Variants in SPPL3 observed in about 807,000 individuals in gnomAD.
SPPL3 encodes the protein signal peptide peptidase-like 3.
Under a neutral mutation model 42.4 loss-of-function variants are expected in SPPL3, and 5 were observed. That is an observed-to-expected ratio of 0.12 (90% CI 0.06 to 0.25). The LOEUF is 0.25. SPPL3 is among the 10% of genes least tolerant of loss of function. SPPL3 has a pLI of 1.00. For missense variants in SPPL3, 235 were observed against 489.0 expected, an observed-to-expected ratio of 0.48 and a Z score of 4.90; for synonymous variants, 195 against 181.8, an observed-to-expected ratio of 1.07 and a Z score of -0.58.
At chr12:120,794,389 C>T (rs1464362457) in intron 2 of SPPL3, among the ~76,000 whole-genome samples, 1 of 151,704 alleles carries the variant, frequency 6.6e-6, no homozygotes, top group African/African-American at 2.4e-5. Context: ...TTCACAATTG[C>T]TGTTTTATTT....
At chr12:120,768,855 AAGCCCG>A (rs1175286975) in intron 7 of SPPL3, 92 bp downstream of exon 7, 1 of 1,045,278 alleles carries the variant, frequency 9.6e-7, no homozygotes, top group African/African-American at 1.6e-5. Flanking sequence ...GCAGCTGGGC[AAGCCCG>A]ACTTTGGATA....
At chr12:120,902,612 A>C (rs1874016898) in intron 1 of SPPL3, among the ~76,000 whole-genome samples, 1 of 152,192 alleles carries the variant, frequency 6.6e-6, no homozygotes, top group Non-Finnish European at 1.5e-5. Flanking sequence ...TCAACAAAGC[A>C]AGTTGGTGGC....
chr12:120,840,529 T>C (rs1035781445), intron 1 of SPPL3, among the ~76,000 whole-genome samples: 5 of 152,036 alleles, frequency 3.3e-5, no homozygotes, highest in Non-Finnish European at 7.4e-5. Flanking sequence ...GGATAAAAAT[T>C]AGTGATGATG....
intron 1 of SPPL3, among the ~76,000 whole-genome samples, chr12:120,862,944 T>C (rs1221676390): frequency 6.6e-6 from 1 of 152,156 alleles, no homozygotes; most frequent in African/African-American, 2.4e-5. Flanking sequence ...GAAAGGGACT[T>C]CTCATGAATA....
At chr12:120,871,000 G>C (rs1016771896) in intron 1 of SPPL3, among the ~76,000 whole-genome samples, 6 of 151,546 alleles carry the variant, frequency 4.0e-5, no homozygotes, top group Non-Finnish European at 7.4e-5. Flanking sequence ...CATGGCGCCA[G>C]GCACCTATAG....
At chr12:120,798,229 T>C (rs566572053) in intron 2 of SPPL3, among the ~76,000 whole-genome samples, 1 of 152,190 alleles carries the variant, frequency 6.6e-6, no homozygotes, top group East Asian at 1.9e-4. Flanking sequence ...TGGGGGTTTT[T>C]TTATTTTAAA....
At chr12:120,878,013 T>C (rs372488271) in intron 1 of SPPL3, among the ~76,000 whole-genome samples, 1 of 133,488 alleles carries the variant, frequency 7.5e-6, no homozygotes, top group Non-Finnish European at 1.6e-5. Context: ...AGCAAGACTC[T>C]TGTCTTAAAA....
chr12:120,882,502 G>A (rs763190603), intron 1 of SPPL3, among the ~76,000 whole-genome samples: 27 of 152,040 alleles, frequency 1.8e-4, no homozygotes, highest in Non-Finnish European at 3.2e-4. Context: ...TTTCTAGAAA[G>A]ATAGAAAGAA....
At chr12:120,813,961 G>C (rs1365462692) in intron 1 of SPPL3, among the ~76,000 whole-genome samples, 2 of 152,028 alleles carry the variant, frequency 1.3e-5, no homozygotes, top group African/African-American at 4.8e-5. Context: ...GGTGCTGCCT[G>C]ATTCATGAGA....
intron 1 of SPPL3, among the ~76,000 whole-genome samples, chr12:120,900,229 C>T (rs1873932966): frequency 6.6e-6 from 1 of 152,094 alleles, no homozygotes; most frequent in Non-Finnish European, 1.5e-5. Context: ...CCGAGTCCAT[C>T]CTCAGACAAA....
chr12:120,765,214 G>C (rs1233313464), intron 10 of SPPL3, 144 bp from the exon 11 acceptor site: 5 of 652,218 alleles, frequency 7.7e-6, no homozygotes, highest in Non-Finnish European at 1.3e-5. Context: ...CCTGGGCTCG[G>C]GCAATTCTCC....
intron 2 of SPPL3, 28 bp downstream of exon 2, chr12:120,810,781 G>A (rs674021): frequency 0.75 from 1,169,499 of 1,556,808 alleles, 442,991 homozygotes; most frequent in African/African-American, 0.93. Flanking sequence ...CCTCCAACTT[G>A]TATCAACCCC....
chr12:120,781,536 C>G (rs941025924), intron 6 of SPPL3, among the ~76,000 whole-genome samples: 4 of 141,354 alleles, frequency 2.8e-5, no homozygotes, highest in Non-Finnish European at 6.0e-5. Context: ...ACAGTCTAAT[C>G]CCATCTCCTT....
intron 1 of SPPL3, among the ~76,000 whole-genome samples, chr12:120,892,014 T>C (rs751464566): frequency 6.6e-6 from 1 of 152,120 alleles, no homozygotes; most frequent in Non-Finnish European, 1.5e-5. Flanking sequence ...TTAGGCAAAT[T>C]TGGACATAAC....
At chr12:120,862,258 TTC>T (rs1872635673) in intron 1 of SPPL3, among the ~76,000 whole-genome samples, 1 of 152,244 alleles carries the variant, frequency 6.6e-6, no homozygotes, top group Admixed American at 6.5e-5. Context: ...CTCTTAACAC[TTC>T]TGACACCAAA....
At chr12:120,895,975 C>T (rs560932089) in intron 1 of SPPL3, among the ~76,000 whole-genome samples, 1 of 152,180 alleles carries the variant, frequency 6.6e-6, no homozygotes, top group African/African-American at 2.4e-5. Context: ...TGAATAATCA[C>T]TTATATTCGA....
chr12:120,852,003 A>G (rs1872239827), intron 1 of SPPL3, among the ~76,000 whole-genome samples: 1 of 152,240 alleles, frequency 6.6e-6, no homozygotes, highest in Non-Finnish European at 1.5e-5. Context: ...GAATTTAGTG[A>G]TTTAATGCTG....
At chr12:120,832,131 C>T (rs746357138) in intron 1 of SPPL3, among the ~76,000 whole-genome samples, 2 of 152,084 alleles carry the variant, frequency 1.3e-5, no homozygotes, top group African/African-American at 2.4e-5. Context: ...TAAATAAGTG[C>T]TTTAACTGAA....
intron 1 of SPPL3, among the ~76,000 whole-genome samples, chr12:120,851,646 C>T (rs2137034100): frequency 6.6e-6 from 1 of 152,216 alleles, no homozygotes; most frequent in African/African-American, 2.4e-5. Flanking sequence ...CTCTGTCACC[C>T]AGGCAGGAGT....
Sources: allele counts gnomAD v4.1 joint callset (sites outside exome capture counted in the v4.1 genomes callset), GRCh38; gene constraint gnomAD v4.1.1; transcripts MANE v1.5; gene names NCBI Gene and HGNC (gene_info 2026-07-23, HGNC 2026-07-21).